Variants in OR11A1 observed in about 807,000 individuals in gnomAD.
The protein encoded by OR11A1 is olfactory receptor family 11 subfamily A member 1.
For missense variants in OR11A1, 380 were observed against 378.2 expected (o/e 1.00, Z -0.04); for synonymous variants, 158 against 152.2 (o/e 1.04, Z -0.28).
intron 1 of OR11A1, among the ~76,000 whole-genome samples, chr6:29,434,810 G>T (rs184502153): frequency 1.3e-5 from 2 of 152,072 alleles, no homozygotes; most frequent in African/African-American, 4.8e-5. Flanking sequence ...TTAATCCTGG[G>T]GTATAAATGA....
chr6:29,444,763 A>T (rs1394218924), intron 1 of OR11A1, among the ~76,000 whole-genome samples: 1 of 152,156 alleles, frequency 6.6e-6, no homozygotes, highest in Admixed American at 6.5e-5. Flanking sequence ...AGTGATCCCC[A>T]TATTGAGTCT....
chr6:29,447,389 A>C (rs1784874346), intron 1 of OR11A1, among the ~76,000 whole-genome samples: 2 of 152,232 alleles, frequency 1.3e-5, no homozygotes, highest in African/African-American at 4.8e-5. Context: ...TTTGATCTTT[A>C]TTCAGCTCCT....
In OR11A1 at chr6:29,427,699, T is replaced by G; in HGVS notation, c.-58A>C. The G allele has an allele frequency of 6.4e-7, 1 of 1,552,998 alleles. No individual in the cohort carries two copies. The highest frequency in any genetic ancestry group is 8.7e-7 in the Non-Finnish European group (1 of 1,150,822). On this transcript the variant is annotated 5_prime_UTR_variant, in exon 5 of 5. Coordinates refer to ENST00000377149, the MANE Select transcript of OR11A1 (RefSeq NM_001394828.1). ...TGGGGGAGAAATTTTAGCATGTCTC[T>G]GCATCTTCTATACCAAGCCTAACGT...
intron 1 of OR11A1, 51 bp downstream of exon 1, chr6:29,456,936 G>A (rs1351606043): frequency 6.6e-6 from 1 of 152,134 alleles, no homozygotes; most frequent in Non-Finnish European, 1.5e-5. Flanking sequence ...TAGTCAAGAA[G>A]TCAGCTGATT....
In OR11A1 at chr6:29,439,105, C is replaced by CTGT. The variant is rs1783881731; in HGVS notation, c.-388-7121_-388-7119dup. On this transcript the variant is annotated intron_variant, in intron 1 of 4. Coordinates refer to ENST00000377149, the MANE Select transcript of OR11A1 (RefSeq NM_001394828.1). ...TATGTTCAGTGTATTTAGACTTTTA[C>CTGT]TGTTATCTGTAATAATGCCAATAGA... 2.0e-5 allele frequency among the ~76,000 whole-genome samples: 3 copies of CTGT among 152,250 alleles called. No individual in the cohort carries two copies. In the South Asian group the frequency reaches 6.2e-4, roughly 32 times the overall value.
rs1785692465 is a variant in OR11A1, at chr6:29,453,595, A to G, written c.-389+3392T>C. 6.6e-6 allele frequency among the ~76,000 whole-genome samples: 1 copy of G among 152,166 alleles called. No individual in the cohort carries two copies. Among genetic ancestry groups the G allele is most frequent in the African/African-American group, 2.4e-5 (1 of 41,446 alleles). On this transcript the variant is annotated intron_variant, in intron 1 of 4. Transcript: ENST00000377149. This position sits in a 1 kb window ranked among gnomAD's most constrained non-coding sequence, Gnocchi z 4.5. ...TATGTCAGTAAAAGTAACAAACTCA[A>G]TCGTGTTTAAGGCTCAGGTATCCAG...
In OR11A1 at chr6:29,453,097, G is replaced by GA. The variant is rs1447584257; in HGVS notation, c.-389+3889dup. Among the ~76,000 whole-genome samples, 1 of 149,042 alleles carries GA rather than the reference G, an allele frequency of 6.7e-6. No individual in the cohort carries two copies. The highest frequency in any genetic ancestry group is 1.5e-5 in the Non-Finnish European group (1 of 67,176). On this transcript the variant is annotated intron_variant, in intron 1 of 4. Transcript: ENST00000377149. This position sits in a 1 kb window ranked among gnomAD's most constrained non-coding sequence, Gnocchi z 4.5. ...TTCAGGATCCATATGGTATCCCCAA[G>GA]AAAAAAACTTGCACTTTAAATATAA... is the stretch of plus-strand genomic sequence containing the variant.
intron 1 of OR11A1, among the ~76,000 whole-genome samples, chr6:29,433,482 T>C (rs1220091460): frequency 1.3e-5 from 2 of 152,200 alleles, no homozygotes; most frequent in Non-Finnish European, 2.9e-5. Context: ...TCCTCCAGAT[T>C]CATCCATGTT....
At chr6:29,437,694 G>GT (rs1388244686) in intron 1 of OR11A1, among the ~76,000 whole-genome samples, 1 of 152,170 alleles carries the variant, frequency 6.6e-6, no homozygotes, top group African/African-American at 2.4e-5. Flanking sequence ...TTGTCTGACT[G>GT]TTTTCTTATA....
At chr6:29,432,117 C>CCCT (rs1363518506) in intron 1 of OR11A1, 130 bp from the exon 2 acceptor site, 20 of 534,206 alleles carry the variant, frequency 3.7e-5, no homozygotes, top group Non-Finnish European at 4.8e-5. Flanking sequence ...GCAGTCCTTT[C>CCCT]CCTCTATCAC....
chr6:29,438,278 A>G (rs1487413589), intron 1 of OR11A1, among the ~76,000 whole-genome samples: 1 of 152,182 alleles, frequency 6.6e-6, no homozygotes, highest in Non-Finnish European at 1.5e-5. Flanking sequence ...AAAGATTTGT[A>G]TAATAAATGA....
chr6:29,440,161 C>G (rs1299045920), intron 1 of OR11A1: 3 of 1,613,528 alleles, frequency 1.9e-6, no homozygotes, highest in Non-Finnish European at 2.5e-6. Context: ...GTGCTGGTCT[C>G]CACTGATGCT....
At chr6:29,452,742 T>C (rs1561830837) in intron 1 of OR11A1, among the ~76,000 whole-genome samples, 1 of 152,112 alleles carries the variant, frequency 6.6e-6, no homozygotes, top group African/African-American at 2.4e-5. Flanking sequence ...TGCCAGAAGA[T>C]ACTCACTAAA....
At chr6:29,429,033 C>T (rs951336776) in intron 3 of OR11A1, 73 bp from the exon 4 acceptor site, 1 of 341,714 alleles carries the variant, frequency 2.9e-6, no homozygotes, top group African/African-American at 2.2e-5. Context: ...AAGCAGATAT[C>T]ATATAAATAA....
intron 1 of OR11A1, among the ~76,000 whole-genome samples, chr6:29,455,873 T>C (rs1448542238): frequency 1.5e-4 from 2 of 13,424 alleles, no homozygotes; most frequent in Non-Finnish European, 3.7e-4. Context: ...GAGACTTGTC[T>C]CAAAAAAAAA....
At chr6:29,430,951 A>G (rs1783187190) in intron 2 of OR11A1, among the ~76,000 whole-genome samples, 1 of 152,206 alleles carries the variant, frequency 6.6e-6, no homozygotes, top group Non-Finnish European at 1.5e-5. Context: ...CAAGGAATAG[A>G]GCTGAATTTG....
Position 29,456,209 on chromosome 6 carries a change from G to A in OR11A1, c.-389+778C>T, listed in dbSNP as rs374542327. Among the ~76,000 whole-genome samples, 1,026 of 140,296 alleles carry A rather than the reference G, an allele frequency of 7.3e-3. 8 individuals carry two copies. Among genetic ancestry groups the A allele is most frequent in the Middle Eastern group, 0.018 (4 of 220 alleles). 92.0% of individuals were successfully genotyped at this position (140,296 alleles called of 152,430 possible). On this transcript the variant is annotated intron_variant, in intron 1 of 4. Coordinates refer to ENST00000377149, the MANE Select transcript of OR11A1 (RefSeq NM_001394828.1). ...CACACCACTGTACTCCAGCCTGGGC[G>A]ACAGAGTGAAACTCAGTCTAAAAAA...
At chr6:29,455,711 A>G (rs779138672) in intron 1 of OR11A1, among the ~76,000 whole-genome samples, 1 of 151,848 alleles carries the variant, frequency 6.6e-6, no homozygotes, top group Non-Finnish European at 1.5e-5. Context: ...CCCCCTCTCT[A>G]CTAAAACACA....
intron 1 of OR11A1, among the ~76,000 whole-genome samples, chr6:29,450,011 C>T (rs1169620857): frequency 6.6e-6 from 1 of 152,236 alleles, no homozygotes; most frequent in Non-Finnish European, 1.5e-5. Context: ...TGAGATGCCC[C>T]TCTAGGCTGG....
Sources: gnomAD v4.1 joint callset for allele counts (sites outside exome capture counted in the v4.1 genomes callset) on GRCh38, gnomAD v4.1.1 for gene constraint, Gnocchi (gnomAD v3.1) non-coding constraint, MANE v1.5 for transcripts, NCBI Gene and HGNC (gene_info 2026-07-23, HGNC 2026-07-21) for gene names.